The following SUFU variants were observed in gnomAD, a reference collection of about 807,000 sequenced individuals.
SUFU encodes the protein suppressor of fused homolog.
In SUFU, 7 loss-of-function variants were observed where a neutral mutation model predicts 58.9. That is an observed-to-expected ratio of 0.12 (90% confidence interval 0.07 to 0.22). SUFU has a LOEUF of 0.22. SUFU is among the 10% of genes least tolerant of loss of function. SUFU has a pLI of 1.00. For missense variants in SUFU, 451 were observed against 641.3 expected, an observed-to-expected ratio of 0.70 and a Z score of 3.20; for synonymous variants, 232 against 254.8, an observed-to-expected ratio of 0.91 and a Z score of 0.85.
intron 2 of SUFU, among the ~76,000 whole-genome samples, chr10:102,539,368 T>G (rs1339456626): frequency 6.6e-6 from 1 of 152,234 alleles, no homozygotes; most frequent in African/African-American, 2.4e-5. Context: ...CCCTTCTTAG[T>G]GATCATATCA....
chr10:102,520,204 TTTTC>T (rs1589986341), intron 2 of SUFU, among the ~76,000 whole-genome samples: 15 of 116,044 alleles, frequency 1.3e-4, no homozygotes, highest in African/African-American at 5.1e-4. Context: ...TACAGTTCTT[TTTTC>T]TTTCTTTTTT....
At position 102,516,812 on chromosome 10, in the gene SUFU, C is replaced by T. The variant is rs993310406; in HGVS notation, c.317+7509C>T. 3.9e-5 allele frequency among the ~76,000 whole-genome samples: 6 copies of T among 151,972 alleles called. No individual in the cohort carries two copies. The East Asian group carries it at 1.2e-3, about 29-fold the overall frequency. On this transcript the variant is annotated intron_variant, in intron 2 of 11. Coordinates refer to ENST00000369902, the MANE Select transcript of SUFU (RefSeq NM_016169.4). Reference sequence around the variant, plus strand: ...GGGATTACAGGTGTAAGCCTCTGTACTGGCCTAAACTCACTTCTAAAAAGC... The same window carrying T: ...GGGATTACAGGTGTAAGCCTCTGTATTGGCCTAAACTCACTTCTAAAAAGC...
intron 3 of SUFU, among the ~76,000 whole-genome samples, chr10:102,553,257 A>G (rs183455414): frequency 2.0e-5 from 3 of 152,338 alleles, no homozygotes; most frequent in Admixed American, 2.0e-4. Context: ...GATAAAGAAA[A>G]GTAAATGGTA....
At chr10:102,577,691 T>G (rs1013547928) in intron 3 of SUFU, among the ~76,000 whole-genome samples, 1 of 150,868 alleles carries the variant, frequency 6.6e-6, no homozygotes, top group African/African-American at 2.4e-5. Flanking sequence ...TGTTTTTTTT[T>G]TTTTTTTGAG....
At chr10:102,607,241 G>A (rs1275830695) in intron 8 of SUFU, among the ~76,000 whole-genome samples, 3 of 151,848 alleles carry the variant, frequency 2.0e-5, no homozygotes, top group Non-Finnish European at 2.9e-5. Flanking sequence ...GTAGAGGTGG[G>A]GTTTTACTGC....
intron 3 of SUFU, among the ~76,000 whole-genome samples, chr10:102,561,797 T>C (rs1257974890): frequency 6.6e-6 from 1 of 150,822 alleles, no homozygotes; most frequent in African/African-American, 2.4e-5. Flanking sequence ...GCCTCCCAAG[T>C]AGCTGGGACT....
chr10:102,607,844 G>A lies in SUFU; in HGVS notation c.1023-7424G>A, dbSNP rs561230872. Among the ~76,000 whole-genome samples, 60 of 152,142 alleles carry A rather than the reference G, an allele frequency of 3.9e-4. 1 individual carries two copies. Among genetic ancestry groups the A allele is most frequent in the Admixed American group, 3.8e-3 (58 of 15,274 alleles). On this transcript the variant is annotated intron_variant, in intron 8 of 11. Transcript: ENST00000369902. ...GAGAATCGCTTGAACCCAGGAGGTG[G>A]AGGTTGCAGTGAGCCGAGATCTTGC...
Position 102,536,363 on chromosome 10 carries a change from C to CT in SUFU, c.318-13588dup, listed in dbSNP as rs11290425. On this transcript the variant is annotated intron_variant, in intron 2 of 11. Coordinates refer to ENST00000369902, the MANE Select transcript of SUFU (RefSeq NM_016169.4). Reference sequence around the variant, plus strand: ...AGTAGCCACTATAATAATTTTATTGCTTTTTTTTTTTTTTTTTTTGAGACA... The same window carrying CT: ...AGTAGCCACTATAATAATTTTATTGCTTTTTTTTTTTTTTTTTTTTGAGACA... Among the ~76,000 whole-genome samples the CT allele has an allele frequency of 1.3e-3, 136 of 101,888 alleles. 1 individual carries two copies. The highest frequency in any genetic ancestry group is 2.2e-3 in the South Asian group (7 of 3,176). The allele number at this position is 101,888 out of a possible 152,430, so 66.8% of individuals were successfully genotyped here. A position where few individuals can be genotyped will look rare whatever the true frequency, so the allele number is the denominator to read the frequency against.
At chr10:102,599,646 G>T (rs1189570422) in intron 8 of SUFU, 102 bp downstream of exon 8, 1 of 998,196 alleles carries the variant, frequency 1.0e-6, no homozygotes, top group Non-Finnish European at 1.5e-6. Context: ...CATAGCCCTT[G>T]CTGGATGGGC....
chr10:102,507,622 A>G (rs2062343407), intron 1 of SUFU, among the ~76,000 whole-genome samples: 1 of 152,266 alleles, frequency 6.6e-6, no homozygotes, highest in Non-Finnish European at 1.5e-5. Flanking sequence ...AACAGAGAAT[A>G]GGGATTTCTA....
intron 3 of SUFU, among the ~76,000 whole-genome samples, chr10:102,551,284 C>T (rs548037797): frequency 5.7e-4 from 87 of 152,326 alleles, no homozygotes; most frequent in African/African-American, 2.1e-3. Flanking sequence ...CTTCGAGGAG[C>T]TTGTCAACAC....
intron 8 of SUFU, among the ~76,000 whole-genome samples, chr10:102,610,789 C>T (rs1006954982): frequency 2.6e-5 from 4 of 152,226 alleles, no homozygotes; most frequent in East Asian, 1.9e-4. Context: ...CCCGAACTGC[C>T]GGAACACTAG....
chr10:102,629,488 A>G lies in SUFU; in HGVS notation c.1366-578A>G, dbSNP rs2063818280. ...GTGGGGATTGGCCCCTCTCAGGCCC[A>G]AGGGATCACCTCAAACCACACTTGT... On this transcript the variant is annotated intron_variant, in intron 11 of 11. Coordinates refer to ENST00000369902, the MANE Select transcript of SUFU (RefSeq NM_016169.4). This position sits in a 1 kb window ranked among gnomAD's most constrained non-coding sequence, Gnocchi z 4.7. 6.6e-6 allele frequency among the ~76,000 whole-genome samples: 1 copy of G among 152,178 alleles called. No individual in the cohort carries two copies. The highest frequency in any genetic ancestry group is 2.4e-5 in the African/African-American group (1 of 41,438).
Position 102,615,362 on chromosome 10 carries a change from T to G in SUFU, c.1117T>G (p.Phe373Val), listed in dbSNP as rs1216604675. The G allele has an allele frequency of 1.2e-6, 2 of 1,613,952 alleles. No homozygotes were observed. ...GCAGCTTGAGAGCGTACATCTGAAA[T>G]TCAACCAGGAGTCCGGAGCCCTCAT... Reference protein sequence around the residue: ...TRQLESVHLKFNQESGALIPL... With the variant: ...TRQLESVHLKVNQESGALIPL... The change falls in exon 9 of 12, where the codon TTC (phenylalanine) becomes GTC (valine). Residue 373 changes from phenylalanine to valine, a missense_variant. Phe to Val is a conservative substitution (Grantham distance 50). Coordinates refer to ENST00000369902, the MANE Select transcript of SUFU (RefSeq NM_016169.4).
chr10:102,584,949 G>A (rs987616452), intron 3 of SUFU, among the ~76,000 whole-genome samples: 1 of 152,192 alleles, frequency 6.6e-6, no homozygotes, highest in African/African-American at 2.4e-5. Context: ...CATGTTAGTA[G>A]GTGATTGTTC....
In SUFU at chr10:102,628,338, G is replaced by C. The variant is rs1246712341; in HGVS notation, c.1365+1095G>C. Among the ~76,000 whole-genome samples, 3 of 152,202 alleles carry C rather than the reference G, an allele frequency of 2.0e-5. No individual in the cohort carries two copies. Among genetic ancestry groups the C allele is most frequent in the Admixed American group, 2.0e-4 (3 of 15,282 alleles). On this transcript the variant is annotated intron_variant, in intron 11 of 11. Transcript: ENST00000369902. This position sits in a 1 kb window ranked among gnomAD's most constrained non-coding sequence, Gnocchi z 4.5. ...CCAGAGCCAGGGTCACCTCAATAGAGCAGGGTCTCCTCTGTCCTCTGGGAT... is the reference window on the plus strand; with the variant it reads ...CCAGAGCCAGGGTCACCTCAATAGACCAGGGTCTCCTCTGTCCTCTGGGAT...
rs1260792454 is a variant in SUFU at position 102,628,633 on chromosome 10, A to G, written c.1365+1390A>G. 1.3e-5 allele frequency among the ~76,000 whole-genome samples: 2 copies of G among 152,174 alleles called. No individual in the cohort carries two copies. On this transcript the variant is annotated intron_variant, in intron 11 of 11. Coordinates refer to ENST00000369902, the MANE Select transcript of SUFU (RefSeq NM_016169.4). This position sits in a 1 kb window ranked among gnomAD's most constrained non-coding sequence, Gnocchi z 4.5. The stretch of plus-strand genomic sequence containing the variant: ...GGGGAGCAGAGGAAAGTAGGTCACT[A>G]AAAATGACTTTTTTCTTTTTTTCCT...
At position 102,524,324 on chromosome 10, in the gene SUFU, C is replaced by CTTTTTTTTTTTT. The variant is rs1384276713; in HGVS notation, c.317+15025_317+15026insTTTTTTTTTTTT. Reference sequence around the variant, plus strand: ...CCAGCCTAATTTTTCTTTTTCTTTTCTTTTCTTTTTTTTTTTTTTGAGATG... The same window carrying CTTTTTTTTTTTT: ...CCAGCCTAATTTTTCTTTTTCTTTTCTTTTTTTTTTTTTTTTCTTTTTTTTTTTTTTGAGATG... On this transcript the variant is annotated intron_variant, in intron 2 of 11. Coordinates refer to ENST00000369902, the MANE Select transcript of SUFU (RefSeq NM_016169.4). Among the ~76,000 whole-genome samples the CTTTTTTTTTTTT allele has an allele frequency of 9.2e-5, 11 of 119,874 alleles. 1 individual carries two copies. Among genetic ancestry groups the CTTTTTTTTTTTT allele is most frequent in the South Asian group, 2.6e-4 (1 of 3,784 alleles). The allele number at this position is 119,874 out of a possible 152,430, so 78.6% of individuals were successfully genotyped here.
chr10:102,524,055 T>C (rs1197688917), intron 2 of SUFU, among the ~76,000 whole-genome samples: 2 of 152,156 alleles, frequency 1.3e-5, no homozygotes, highest in African/African-American at 4.8e-5. Context: ...CTTAGACCCT[T>C]TCGCAAATAA....
Sources: allele counts gnomAD v4.1 joint callset (sites outside exome capture counted in the v4.1 genomes callset), GRCh38; gene constraint gnomAD v4.1.1; non-coding constraint Gnocchi (gnomAD v3.1); transcripts MANE v1.5; gene names NCBI Gene and HGNC (gene_info 2026-07-23, HGNC 2026-07-21).